KCNK2: variants seen among roughly 807,000 people sequenced by gnomAD.
The protein encoded by KCNK2 is potassium two pore domain channel subfamily K member 2.
In KCNK2, 21 loss-of-function variants were observed where a neutral mutation model predicts 40.5. The observed-to-expected ratio is 0.52, with a 90% confidence interval of 0.37 to 0.75. The LOEUF (loss-of-function observed/expected upper bound fraction) is 0.75, where lower values mean the gene tolerates loss of function less well. KCNK2 is among the 30% of genes least tolerant of loss of function. KCNK2 has a pLI of 0.00. For missense variants in KCNK2, 399 were observed against 531.6 expected (o/e 0.75, Z 2.45); for synonymous variants, 191 against 202.2 (o/e 0.94, Z 0.47).
At chr1:215,151,643 T>C (rs1367465567) in intron 3 of KCNK2, among the ~76,000 whole-genome samples, 1 of 152,178 alleles carries the variant, frequency 6.6e-6, no homozygotes, top group Non-Finnish European at 1.5e-5. Context: ...TTGATACCTC[T>C]TCATTCCTCC....
At chr1:215,177,740 A>ATATATTTTTTTTT (rs71167812) in intron 5 of KCNK2, among the ~76,000 whole-genome samples, 1 of 101,582 alleles carries the variant, frequency 9.8e-6, no homozygotes, top group Non-Finnish European at 2.0e-5. Flanking sequence ...ATATATATAT[A>ATATATTTTTTTTT]TTTTTTTTTT....
At chr1:215,014,625 T>C (rs1656521224) in intron 1 of KCNK2, among the ~76,000 whole-genome samples, 1 of 152,006 alleles carries the variant, frequency 6.6e-6, no homozygotes, top group Non-Finnish European at 1.5e-5. Flanking sequence ...GCTCAAAAAA[T>C]TGATTGTTTA....
chr1:215,069,301 G>A (rs1658667532), intron 1 of KCNK2, among the ~76,000 whole-genome samples: 1 of 152,154 alleles, frequency 6.6e-6, no homozygotes, highest in Admixed American at 6.5e-5. Context: ...AAAGCTCCCT[G>A]CCCTAGGAAG....
intron 1 of KCNK2, among the ~76,000 whole-genome samples, chr1:215,048,129 C>G (rs1482372540): frequency 1.3e-5 from 2 of 152,074 alleles, no homozygotes; most frequent in African/African-American, 4.8e-5. Context: ...CTTAAGAAAA[C>G]AGTCTTTATT....
At chr1:215,163,344 T>C (rs539530251) in intron 3 of KCNK2, among the ~76,000 whole-genome samples, 1 of 152,184 alleles carries the variant, frequency 6.6e-6, no homozygotes, top group African/African-American at 2.4e-5. Context: ...TTTCTAAATA[T>C]ACAATCACGT....
chr1:215,012,352 G>A (rs997678234), intron 1 of KCNK2, among the ~76,000 whole-genome samples: 3 of 151,938 alleles, frequency 2.0e-5, no homozygotes, highest in Non-Finnish European at 2.9e-5. Flanking sequence ...TTTCTTACCC[G>A]TTCTAATAGG....
At chr1:215,005,544 A>C (rs767900074), upstream of KCNK2, among the ~76,000 whole-genome samples, 5 of 152,228 alleles carry the variant, frequency 3.3e-5, no homozygotes, top group African/African-American at 4.8e-5. Context: ...CTTGAGCCAC[A>C]AACTTGTGAG....
chr1:215,116,194 G>T (rs1304107650), intron 2 of KCNK2, among the ~76,000 whole-genome samples: 1 of 151,922 alleles, frequency 6.6e-6, no homozygotes, highest in Non-Finnish European at 1.5e-5. Flanking sequence ...AAAAATGATA[G>T]CTCTGAAGAC....
At chr1:215,010,189 T>C (rs1335449779) in intron 1 of KCNK2, among the ~76,000 whole-genome samples, 16 of 152,168 alleles carry the variant, frequency 1.1e-4, no homozygotes, top group African/African-American at 4.8e-5. Context: ...GAAAAACATA[T>C]AACTATGAAG....
intron 5 of KCNK2, among the ~76,000 whole-genome samples, chr1:215,194,322 T>C (rs1571715298): frequency 6.6e-6 from 1 of 152,258 alleles, no homozygotes; most frequent in East Asian, 1.9e-4. Context: ...ACGGTTTTAT[T>C]TTATGACAGT....
chr1:215,045,978 A>G (rs1657753380), intron 1 of KCNK2, among the ~76,000 whole-genome samples: 1 of 152,232 alleles, frequency 6.6e-6, no homozygotes, highest in South Asian at 2.1e-4. Context: ...CCAGAATGTA[A>G]CACATGGAAT....
In KCNK2 at chr1:215,113,277, T is replaced by C. The variant is rs568217243; in HGVS notation, c.358-11356T>C. ...CAGTATTTCCACATAGAAATAATAT[T>C]GTAAATGATAGCTATATGCAAGGTG... On this transcript the variant is annotated intron_variant, in intron 2 of 6. Coordinates refer to ENST00000444842, the MANE Select transcript of KCNK2 (RefSeq NM_001017425.3). 2.2e-3 allele frequency among the ~76,000 whole-genome samples: 328 copies of C among 152,306 alleles called. 1 individual carries two copies. The highest frequency in any genetic ancestry group is 7.3e-3 in the African/African-American group (305 of 41,576).
chr1:215,179,367 T>C (rs1420083621), intron 5 of KCNK2, among the ~76,000 whole-genome samples: 2 of 151,856 alleles, frequency 1.3e-5, no homozygotes, highest in Non-Finnish European at 2.9e-5. Flanking sequence ...TCTGATTTTA[T>C]TCTTTTATTT....
chr1:215,148,599 C>T (rs1350300364), intron 3 of KCNK2, among the ~76,000 whole-genome samples: 1 of 152,138 alleles, frequency 6.6e-6, no homozygotes, highest in Non-Finnish European at 1.5e-5. Flanking sequence ...GAGCAAATCC[C>T]TATACAAGAT....
At chr1:215,151,746 T>C (rs532715752) in intron 3 of KCNK2, among the ~76,000 whole-genome samples, 1 of 152,228 alleles carries the variant, frequency 6.6e-6, no homozygotes, top group African/African-American at 2.4e-5. Context: ...TTATAAATCT[T>C]TGTTGCTGTT....
At chr1:215,081,913 G>C (rs181298225), upstream of KCNK2, 814 of 152,354 alleles carry the variant, frequency 5.3e-3, 4 homozygotes, top group Non-Finnish European at 6.3e-3. Flanking sequence ...TCCCTACGCC[G>C]GGGTCTTGGA....
intron 1 of KCNK2, among the ~76,000 whole-genome samples, chr1:215,019,321 A>G (rs1558058559): frequency 6.6e-6 from 1 of 152,198 alleles, no homozygotes; most frequent in South Asian, 2.1e-4. Context: ...GCATGTTGCA[A>G]TAGAGATTTT....
At chr1:215,162,512 T>C (rs1177649395) in intron 3 of KCNK2, among the ~76,000 whole-genome samples, 3 of 152,162 alleles carry the variant, frequency 2.0e-5, no homozygotes, top group Admixed American at 6.5e-5. Context: ...ATGTCCTGAA[T>C]GGTATTGCCT....
intron 2 of KCNK2, among the ~76,000 whole-genome samples, chr1:215,098,602 T>C (rs569114835): frequency 6.8e-4 from 103 of 152,040 alleles, no homozygotes; most frequent in Admixed American, 2.0e-4. Context: ...ACAGAACAGA[T>C]ACCTAGCATT....
Sources: gnomAD v4.1 joint callset for allele counts (sites outside exome capture counted in the v4.1 genomes callset) on GRCh38, gnomAD v4.1.1 for gene constraint, MANE v1.5 for transcripts, NCBI Gene and HGNC (gene_info 2026-07-23, HGNC 2026-07-21) for gene names.